Variants in SH3RF3 observed in about 807,000 individuals in gnomAD.
SH3RF3 encodes E3 ubiquitin-protein ligase SH3RF3.
In SH3RF3, 29 loss-of-function variants were observed where a neutral mutation model predicts 66.3. The ratio of observed to expected loss-of-function variants is 0.44; its 90% confidence interval spans 0.33 to 0.60. The LOEUF is 0.60. Ranked by LOEUF, SH3RF3 falls within the 20% of genes least tolerant of loss-of-function variation. The pLI is 0.04. For missense variants in SH3RF3, 1,194 were observed against 1,190.9 expected (o/e 1.00, Z -0.04); for synonymous variants, 583 against 532.0 (o/e 1.10, Z -1.32).
intron 1 of SH3RF3, among the ~76,000 whole-genome samples, chr2:109,270,121 C>T (rs1052417751): frequency 4.3e-4 from 66 of 152,250 alleles, no homozygotes; most frequent in African/African-American, 1.5e-3. Flanking sequence ...CCCAACCACC[C>T]TCCTCCCAGC....
intron 1 of SH3RF3, among the ~76,000 whole-genome samples, chr2:109,153,752 C>T (rs193295391): frequency 6.6e-6 from 1 of 152,318 alleles, no homozygotes; most frequent in East Asian, 1.9e-4. Context: ...GGTTCTGGTG[C>T]ATTTTGGCTA....
At chr2:109,412,941 C>T (rs1022537018) in intron 4 of SH3RF3, among the ~76,000 whole-genome samples, 20 of 152,188 alleles carry the variant, frequency 1.3e-4, no homozygotes, top group African/African-American at 4.6e-4. Context: ...ACATGGCCCT[C>T]CAGGCCTGTC....
intron 1 of SH3RF3, among the ~76,000 whole-genome samples, chr2:109,276,179 C>G (rs996799157): frequency 5.3e-5 from 8 of 152,200 alleles, no homozygotes; most frequent in African/African-American, 1.9e-4. Flanking sequence ...AACTTAAGAC[C>G]TGAGAAAACA....
At chr2:109,387,072 T>C (rs1041636123) in intron 3 of SH3RF3, among the ~76,000 whole-genome samples, 1 of 152,208 alleles carries the variant, frequency 6.6e-6, no homozygotes, top group Non-Finnish European at 1.5e-5. Flanking sequence ...CCAGTAAATA[T>C]GAATATATGT....
In SH3RF3 at chr2:109,426,978, ATTT is replaced by A. The variant is rs142007361; in HGVS notation, c.1404-5516_1404-5514del. On this transcript the variant is annotated intron_variant, in intron 5 of 9. Transcript: ENST00000309415. ...AGGGCAATAAAATATATATATATAT[ATTT>A]TTTTTTGAGACGAGTCTCGCTCTGT... Among the ~76,000 whole-genome samples the A allele has an allele frequency of 1.4e-3, 215 of 148,732 alleles. 1 individual carries two copies. The highest frequency in any genetic ancestry group is 5.1e-3 in the African/African-American group (201 of 39,638).
intron 8 of SH3RF3, among the ~76,000 whole-genome samples, chr2:109,487,596 C>T (rs1679017098): frequency 6.6e-6 from 1 of 152,206 alleles, no homozygotes; most frequent in South Asian, 2.1e-4. Context: ...TTACGCACCC[C>T]ACCCTTTCCA....
intron 1 of SH3RF3, among the ~76,000 whole-genome samples, chr2:109,314,488 C>G (rs1454721202): frequency 6.6e-6 from 1 of 152,166 alleles, no homozygotes; most frequent in Non-Finnish European, 1.5e-5. Flanking sequence ...ACGGCATGAC[C>G]TTTGATGTCA....
chr2:109,464,085 C>A (rs1678274450), intron 8 of SH3RF3, among the ~76,000 whole-genome samples: 1 of 152,180 alleles, frequency 6.6e-6, no homozygotes, highest in African/African-American at 2.4e-5. Flanking sequence ...CCCCACACTG[C>A]CAGCAGGCCG....
Position 109,171,765 on chromosome 2 carries a change from C to T in SH3RF3, c.573+41652C>T, listed in dbSNP as rs117595715. ...TCCTGGTGCCCACGCTGGCTGGCTCCCTGCCGTGCATCCCGGCCACGCTCA... is the reference window on the plus strand; with the variant it reads ...TCCTGGTGCCCACGCTGGCTGGCTCTCTGCCGTGCATCCCGGCCACGCTCA... On this transcript the variant is annotated intron_variant, in intron 1 of 9. Transcript: ENST00000309415. 8.0e-3 allele frequency among the ~76,000 whole-genome samples: 1,226 copies of T among 152,376 alleles called. 12 individuals are homozygous for T. The highest frequency in any genetic ancestry group is 0.04 in the East Asian group (209 of 5,184).
At chr2:109,435,221 C>T (rs1229747231) in intron 6 of SH3RF3, among the ~76,000 whole-genome samples, 1 of 152,220 alleles carries the variant, frequency 6.6e-6, no homozygotes, top group Non-Finnish European at 1.5e-5. Context: ...CCATGGGTCC[C>T]TCAGTCCAAT....
At chr2:109,135,597 G>A (rs1207509874) in intron 1 of SH3RF3, among the ~76,000 whole-genome samples, 1 of 152,134 alleles carries the variant, frequency 6.6e-6, no homozygotes, top group Non-Finnish European at 1.5e-5. Context: ...CTTTGCTGCT[G>A]GTGGATTTGT....
At chr2:109,400,303 A>G (rs1676271759) in intron 4 of SH3RF3, among the ~76,000 whole-genome samples, 1 of 152,026 alleles carries the variant, frequency 6.6e-6, no homozygotes, top group African/African-American at 2.4e-5. Context: ...ATGTGCACTC[A>G]TACACATGGC....
chr2:109,242,710 G>A (rs1466808045), intron 1 of SH3RF3, among the ~76,000 whole-genome samples: 5 of 152,194 alleles, frequency 3.3e-5, no homozygotes, highest in Admixed American at 6.5e-5. Flanking sequence ...GTGAGCCCTG[G>A]TCTGGGCTCA....
chr2:109,307,173 T>C (rs1681615908), intron 1 of SH3RF3, among the ~76,000 whole-genome samples: 2 of 152,258 alleles, frequency 1.3e-5, no homozygotes, highest in African/African-American at 4.8e-5. Flanking sequence ...AACATTCACA[T>C]TTAGTTTCCA....
chr2:109,241,459 T>C (rs1679780636), intron 1 of SH3RF3, among the ~76,000 whole-genome samples: 1 of 152,212 alleles, frequency 6.6e-6, no homozygotes, highest in African/African-American at 2.4e-5. Flanking sequence ...ATGTCCTTTT[T>C]TTTTCTTTAT....
At chr2:109,313,623 T>C (rs1252430467) in intron 1 of SH3RF3, 1 of 154,898 alleles carries the variant, frequency 6.5e-6, no homozygotes, top group Non-Finnish European at 1.5e-5. Flanking sequence ...CGGCCAGCAG[T>C]GGGGCTCACT....
intron 1 of SH3RF3, among the ~76,000 whole-genome samples, chr2:109,253,306 A>T (rs1375243889): frequency 6.6e-6 from 1 of 152,262 alleles, no homozygotes; most frequent in South Asian, 2.1e-4. Context: ...GGCATGAGCC[A>T]CTGCGCCCGG....
At chr2:109,300,238 C>T (rs903605336) in intron 1 of SH3RF3, among the ~76,000 whole-genome samples, 3 of 152,070 alleles carry the variant, frequency 2.0e-5, no homozygotes, top group Non-Finnish European at 4.4e-5. Context: ...CTCACTCTGT[C>T]GCCCAGGCTG....
At chr2:109,400,189 C>G (rs1316107282) in intron 4 of SH3RF3, among the ~76,000 whole-genome samples, 1 of 152,136 alleles carries the variant, frequency 6.6e-6, no homozygotes, top group African/African-American at 2.4e-5. Context: ...CCACATCAGC[C>G]TAGAAATGCC....
Sources: allele counts gnomAD v4.1 joint callset (sites outside exome capture counted in the v4.1 genomes callset), GRCh38; gene constraint gnomAD v4.1.1; transcripts MANE v1.5; gene names NCBI Gene and HGNC (gene_info 2026-07-23, HGNC 2026-07-21).